HAT1: variants seen among roughly 807,000 people sequenced by gnomAD.
HAT1 encodes histone acetyltransferase 1, also known as histone acetyltransferase type B catalytic subunit.
HAT1 carries 20 observed loss-of-function variants against 56.6 expected under a neutral mutation model. The observed-to-expected ratio is 0.35, with a 90% CI of 0.25 to 0.51. The LOEUF (loss-of-function observed/expected upper bound fraction) is 0.51. Ranked by LOEUF, HAT1 falls within the 20% of genes least tolerant of loss-of-function variation. The pLI is 0.95. For missense variants in HAT1, 408 were observed against 504.3 expected, an observed-to-expected ratio of 0.81 and a Z score of 1.83; for synonymous variants, 146 against 165.5, an observed-to-expected ratio of 0.88 and a Z score of 0.91.
At chr2:171,943,751 G>A (rs947587646) in intron 2 of HAT1, among the ~76,000 whole-genome samples, 32 of 120,590 alleles carry the variant, frequency 2.7e-4, no homozygotes, top group Non-Finnish European at 2.0e-4. Flanking sequence ...ATATATATAT[G>A]TATCCATAAT....
chr2:171,962,456 G>A lies in HAT1; in HGVS notation c.310-2882G>A, dbSNP rs188740580. ...GTCACCCAGGCTGGAGTGCAGTGGC[G>A]CAGTCTTGGCTCACTGCAACCTCCG... On this transcript the variant is annotated intron_variant, in intron 4 of 10. Transcript: ENST00000264108. Among the ~76,000 whole-genome samples the A allele has an allele frequency of 3.7e-3, 567 of 152,276 alleles. 2 individuals are homozygous for A. The highest frequency in any genetic ancestry group is 0.014 in the Middle Eastern group (4 of 294).
chr2:171,968,831 T>G (rs1191341773), intron 8 of HAT1, among the ~76,000 whole-genome samples: 1 of 152,162 alleles, frequency 6.6e-6, no homozygotes, highest in African/African-American at 2.4e-5. Flanking sequence ...TGTGTGTGCT[T>G]TTTTAGCTTT....
intron 2 of HAT1, among the ~76,000 whole-genome samples, chr2:171,929,258 T>C (rs1280978702): frequency 6.6e-6 from 1 of 152,204 alleles, no homozygotes; most frequent in Non-Finnish European, 1.5e-5. Context: ...GGTTATCGAC[T>C]ATCTCCTTTT....
At chr2:171,951,411 A>AGCCACCGTGCC (rs1687304351) in intron 3 of HAT1, among the ~76,000 whole-genome samples, 1 of 151,938 alleles carries the variant, frequency 6.6e-6, no homozygotes, top group Non-Finnish European at 1.5e-5. Flanking sequence ...ATCTAGTTTT[A>AGCCACCGTGCC]CAGATAGTGC....
At chr2:171,965,201 A>T (rs1379603488) in intron 4 of HAT1, 137 bp from the exon 5 acceptor site, 1 of 593,044 alleles carries the variant, frequency 1.7e-6, no homozygotes, top group East Asian at 2.9e-5. Flanking sequence ...TCCTTTTCCA[A>T]TTCGCTGTGT....
At chr2:171,936,036 A>G (rs1471872304) in intron 2 of HAT1, among the ~76,000 whole-genome samples, 2 of 152,208 alleles carry the variant, frequency 1.3e-5, no homozygotes. Flanking sequence ...CATGGGAATA[A>G]GTGGCTAAGG....
intron 4 of HAT1, among the ~76,000 whole-genome samples, chr2:171,958,388 G>C (rs2105329878): frequency 6.7e-6 from 1 of 150,294 alleles, no homozygotes; most frequent in African/African-American, 2.5e-5. Flanking sequence ...TTGCACGTTT[G>C]TTACATAGGT....
intron 6 of HAT1, chr2:171,966,149 C>T: frequency 3.4e-6 from 2 of 596,662 alleles, no homozygotes; most frequent in South Asian, 2.1e-5. Flanking sequence ...TGAGCTTTGC[C>T]TGTGTTTTCT....
In HAT1 at chr2:171,966,425, A is replaced by G; in HGVS notation, c.628A>G (p.Lys210Glu). 1 of 1,573,960 alleles carries G rather than the reference A, an allele frequency of 6.4e-7. No individual in the cohort carries two copies. The highest frequency in any genetic ancestry group is 8.7e-7 in the Non-Finnish European group (1 of 1,143,406). Reference sequence around the variant, plus strand: ...TATCTGCAGATTTGAGAAGTATAATAAGGATGGAGCTACGCTCTTTGCGAC... The same window carrying G: ...TATCTGCAGATTTGAGAAGTATAATGAGGATGGAGCTACGCTCTTTGCGAC... The part of the protein sequence containing the change: ...HYFLVFEKYN[K>E]DGATLFATVG... The change falls in exon 7 of 11, where the codon AAG (lysine) becomes GAG (glutamate). Residue 210 changes from lysine (K) to glutamate (E), a missense_variant. By Grantham distance (56) the Lys-to-Glu change is moderately conservative. Coordinates refer to ENST00000264108, the MANE Select transcript of HAT1 (RefSeq NM_003642.4).
At chr2:171,935,707 T>C (rs1422250878) in intron 2 of HAT1, among the ~76,000 whole-genome samples, 1 of 151,590 alleles carries the variant, frequency 6.6e-6, no homozygotes, top group Admixed American at 6.6e-5. Context: ...GGAGACCCCA[T>C]TTCTACAAAA....
At chr2:171,932,771 A>T (rs1448959127) in intron 2 of HAT1, among the ~76,000 whole-genome samples, 1 of 152,118 alleles carries the variant, frequency 6.6e-6, no homozygotes, top group East Asian at 1.9e-4. Context: ...TGGGAGGCTG[A>T]GGTGGGAGGA....
chr2:171,941,574 C>T (rs1270643650), intron 2 of HAT1, among the ~76,000 whole-genome samples: 1 of 152,186 alleles, frequency 6.6e-6, no homozygotes, highest in East Asian at 1.9e-4. Context: ...GATCATCAGG[C>T]ATTAGATTCT....
chr2:171,977,439 G>A (rs191757759), intron 9 of HAT1, among the ~76,000 whole-genome samples: 2,045 of 143,442 alleles, frequency 0.014, 14 homozygotes, highest in Middle Eastern at 0.039. Context: ...TCCAGCCTGG[G>A]CAACAGAGAG....
chr2:171,934,724 T>C (rs948649238), intron 2 of HAT1, among the ~76,000 whole-genome samples: 2 of 150,558 alleles, frequency 1.3e-5, no homozygotes, highest in African/African-American at 4.9e-5. Context: ...CCACAAAGAA[T>C]AGACATATAG....
intron 8 of HAT1, among the ~76,000 whole-genome samples, chr2:171,972,111 AG>A (rs931341289): frequency 5.3e-5 from 8 of 152,216 alleles, no homozygotes; most frequent in African/African-American, 1.9e-4. Context: ...CACTCCTCCC[AG>A]GCCCCCGACC....
chr2:171,956,046 A>G (rs1386586782), intron 4 of HAT1, among the ~76,000 whole-genome samples: 2 of 151,620 alleles, frequency 1.3e-5, no homozygotes, highest in Admixed American at 1.3e-4. Context: ...CTCTGTCTCA[A>G]AAAAAAAGTG....
chr2:171,963,978 A>T (rs1461725676), intron 4 of HAT1, among the ~76,000 whole-genome samples: 1 of 152,138 alleles, frequency 6.6e-6, no homozygotes, highest in African/African-American at 2.4e-5. Context: ...TCTTTTTTAT[A>T]CCTATAAACA....
intron 2 of HAT1, among the ~76,000 whole-genome samples, chr2:171,943,112 TAC>T (rs1687064150): frequency 1.3e-5 from 2 of 150,122 alleles, no homozygotes; most frequent in Non-Finnish European, 3.0e-5. Context: ...ATACAAAAAA[TAC>T]AGTGCTGGCT....
chr2:171,977,832 G>A (rs960165012), intron 9 of HAT1, among the ~76,000 whole-genome samples: 1 of 151,128 alleles, frequency 6.6e-6, no homozygotes, highest in African/African-American at 2.4e-5. Flanking sequence ...CTAATTGCCT[G>A]GCCAGATAGT....
Sources: gnomAD v4.1 joint callset for allele counts (sites outside exome capture counted in the v4.1 genomes callset) on GRCh38, gnomAD v4.1.1 for gene constraint, MANE v1.5 for transcripts, NCBI Gene and HGNC (gene_info 2026-07-23, HGNC 2026-07-21) for gene names.